Variants in CDK14 observed in about 807,000 individuals in gnomAD.
CDK14 encodes the protein cyclin-dependent kinase 14.
Under a neutral mutation model 60.7 loss-of-function variants are expected in CDK14, and 34 were observed. The observed-to-expected ratio is 0.56, with a 90% CI of 0.43 to 0.75. The LOEUF is 0.75. CDK14 is among the 30% of genes least tolerant of loss of function. The probability of loss-of-function intolerance (pLI) is 0.00; values close to 1 mark genes in which losing one functional copy is unlikely to be tolerated. For synonymous variants in CDK14, 197 were observed against 203.7 expected (o/e 0.97, Z 0.28); for missense variants, 482 against 564.1 (o/e 0.85, Z 1.47).
intron 2 of CDK14, among the ~76,000 whole-genome samples, chr7:90,623,414 T>A (rs1799813696): frequency 6.6e-6 from 1 of 152,178 alleles, no homozygotes. Context: ...CTTTTCTCTG[T>A]ATATATGCAT....
intron 14 of CDK14, among the ~76,000 whole-genome samples, chr7:91,120,948 A>G (rs1055361543): frequency 6.6e-6 from 1 of 152,230 alleles, no homozygotes; most frequent in African/African-American, 2.4e-5. Context: ...AGCTACAGGG[A>G]AGATGGATTC....
At chr7:90,613,731 G>C (rs1310579903) in intron 2 of CDK14, among the ~76,000 whole-genome samples, 1 of 152,008 alleles carries the variant, frequency 6.6e-6, no homozygotes, top group Non-Finnish European at 1.5e-5. Context: ...TTTGACGTAG[G>C]AAGTCTTTCT....
intron 4 of CDK14, among the ~76,000 whole-genome samples, chr7:90,755,754 A>G (rs1189009820): frequency 1.3e-5 from 2 of 152,210 alleles, no homozygotes; most frequent in Non-Finnish European, 2.9e-5. Flanking sequence ...GTAATGGTCT[A>G]AATGATTGAG....
chr7:90,999,860 C>A (rs554747644), intron 10 of CDK14, among the ~76,000 whole-genome samples: 53 of 152,246 alleles, frequency 3.5e-4, no homozygotes, highest in African/African-American at 1.3e-3. Context: ...TTTGTTCAAA[C>A]ATAGGTATTT....
chr7:90,905,540 A>G (rs75818378), intron 7 of CDK14, among the ~76,000 whole-genome samples: 1 of 152,242 alleles, frequency 6.6e-6, no homozygotes, highest in East Asian at 1.9e-4. Context: ...AAAACAAAAA[A>G]TACCTCTTTA....
chr7:90,622,602 T>C (rs896905746), intron 2 of CDK14, among the ~76,000 whole-genome samples: 3 of 152,232 alleles, frequency 2.0e-5, no homozygotes, highest in Non-Finnish European at 4.4e-5. Flanking sequence ...TGCACATTAG[T>C]GCATTGGATT....
rs557928392 is a variant in CDK14, at chr7:91,023,393, A to G, written c.1042-22504A>G. 6.7e-4 allele frequency among the ~76,000 whole-genome samples: 102 copies of G among 152,304 alleles called. 2 individuals are homozygous for G. The South Asian group carries it at 0.016, about 24-fold the overall frequency. ...TATGTTATCACTCGGAAGATTTTTC[A>G]AAGAGACAATTTCTACTGTTGACAA... On this transcript the variant is annotated intron_variant, in intron 10 of 14. Transcript: ENST00000380050.
At chr7:90,602,269 C>T (rs768750900) in intron 1 of CDK14, among the ~76,000 whole-genome samples, 4 of 152,192 alleles carry the variant, frequency 2.6e-5, no homozygotes, top group Non-Finnish European at 4.4e-5. Context: ...ATGGCAGCCA[C>T]ATAGTGCGCG....
At position 91,112,556 on chromosome 7, in the gene CDK14, A is replaced by G. The variant is rs771292152; in HGVS notation, c.1169A>G (p.Asn390Ser). The G allele has an allele frequency of 1.2e-6, 2 of 1,613,554 alleles. No individual in the cohort carries two copies. Among genetic ancestry groups the G allele is most frequent in the East Asian group, 2.2e-5 (1 of 44,856 alleles). ...CATGTTTTTAGGCTCAGCTATGTGAACCATGCAGAGGACCTGGCCTCCAAG... is the reference window on the plus strand; with the variant it reads ...CATGTTTTTAGGCTCAGCTATGTGAGCCATGCAGAGGACCTGGCCTCCAAG... ...RQAWNKLSYV[N>S]HAEDLASKLL... is the part of the protein sequence containing the mutation. The change falls in exon 13 of 15, where the codon AAC becomes AGC. Residue 390 changes from asparagine to serine, a missense_variant. Transcript: ENST00000380050.
rs1252749756 is a variant in CDK14 at position 90,780,908 on chromosome 7, G to T, written c.465-9665G>T. ...AGTAGCATGATTTATAATCCTTTGG[G>T]TATATACCCAGTAATGGGATGGCTG... On this transcript the variant is annotated intron_variant, in intron 4 of 14. Transcript: ENST00000380050. Among the ~76,000 whole-genome samples, 2 of 152,042 alleles carry T rather than the reference G, an allele frequency of 1.3e-5. 1 individual carries two copies. The highest frequency in any genetic ancestry group is 4.2e-4 in the South Asian group (2 of 4,814).
intron 8 of CDK14, among the ~76,000 whole-genome samples, chr7:90,933,845 T>C (rs1793671747): frequency 6.6e-6 from 1 of 152,218 alleles, no homozygotes; most frequent in South Asian, 2.1e-4. Context: ...AGCAGAAATG[T>C]TGATGTTCAT....
intron 14 of CDK14, among the ~76,000 whole-genome samples, chr7:91,153,544 G>A (rs1447450855): frequency 6.6e-6 from 1 of 152,142 alleles, no homozygotes; most frequent in Non-Finnish European, 1.5e-5. Context: ...GGAATACTGT[G>A]CAGCCATAAA....
chr7:90,932,642 G>A (rs1562833648), intron 8 of CDK14, among the ~76,000 whole-genome samples: 1 of 152,244 alleles, frequency 6.6e-6, no homozygotes, highest in South Asian at 2.1e-4. Flanking sequence ...GTCTGTTGCT[G>A]TGTAAAAAAT....
At chr7:91,173,874 T>A (rs1801621639) in intron 14 of CDK14, among the ~76,000 whole-genome samples, 1 of 151,996 alleles carries the variant, frequency 6.6e-6, no homozygotes, top group Non-Finnish European at 1.5e-5. Flanking sequence ...GCAGCGAGGC[T>A]GGGGGAGGGG....
At chr7:90,843,772 G>A (rs1790376063) in intron 5 of CDK14, among the ~76,000 whole-genome samples, 1 of 152,132 alleles carries the variant, frequency 6.6e-6, no homozygotes, top group Admixed American at 6.5e-5. Context: ...GGAGGAAAAT[G>A]CTTGTAAAGG....
rs924382856 is a variant in CDK14 at position 90,854,500 on chromosome 7, G to T, written c.545-8675G>T. Among the ~76,000 whole-genome samples, 4 of 152,082 alleles carry T rather than the reference G, an allele frequency of 2.6e-5. No homozygotes were observed. In the East Asian group the frequency reaches 7.7e-4, roughly 29 times the overall value. On this transcript the variant is annotated intron_variant, in intron 5 of 14. Transcript: ENST00000380050. The stretch of plus-strand genomic sequence containing the variant: ...AGCTGTGATTACACCTTGCACTCCA[G>T]CCTGGGCAATAGAGCAAGACCCTGC...
chr7:91,066,586 T>A (rs1797987948), intron 11 of CDK14, among the ~76,000 whole-genome samples: 1 of 152,194 alleles, frequency 6.6e-6, no homozygotes, highest in South Asian at 2.1e-4. Context: ...CATGCTTATA[T>A]GCAAATGAGT....
chr7:90,759,799 C>A (rs1804243713), intron 4 of CDK14, among the ~76,000 whole-genome samples: 2 of 152,194 alleles, frequency 1.3e-5, no homozygotes, highest in Admixed American at 6.5e-5. Flanking sequence ...ACAGCTTGCT[C>A]TTTGTTCTGC....
chr7:91,104,927 G>A (rs906831860), intron 12 of CDK14, among the ~76,000 whole-genome samples: 1 of 152,098 alleles, frequency 6.6e-6, no homozygotes, highest in Non-Finnish European at 1.5e-5. Context: ...GATTATTCCA[G>A]GGAGAAAGAC....
Sources: gnomAD v4.1 joint callset for allele counts (sites outside exome capture counted in the v4.1 genomes callset) on GRCh38, gnomAD v4.1.1 for gene constraint, MANE v1.5 for transcripts, NCBI Gene and HGNC (gene_info 2026-07-23, HGNC 2026-07-21) for gene names.